Variants in WWC1 observed in about 807,000 individuals in gnomAD.
The protein encoded by WWC1 is WW and C2 domain containing 1.
WWC1 carries 55 observed loss-of-function variants against 138.4 expected under a neutral mutation model. The observed-to-expected ratio is 0.40, with a 90% CI of 0.32 to 0.50. The LOEUF (loss-of-function observed/expected upper bound fraction) is 0.50. WWC1 is among the 20% of genes least tolerant of loss of function. The probability of loss-of-function intolerance (pLI) is 0.72; values close to 1 mark genes in which losing one functional copy is unlikely to be tolerated. For synonymous variants in WWC1, 524 were observed against 564.9 expected (o/e 0.93, Z 1.03); for missense variants, 1,226 against 1,420.4 (o/e 0.86, Z 2.20).
At chr5:168,334,129 A>G (rs1291370286) in intron 1 of WWC1, among the ~76,000 whole-genome samples, 1 of 146,628 alleles carries the variant, frequency 6.8e-6, no homozygotes, top group African/African-American at 2.5e-5. Flanking sequence ...GAGGCTGAGG[A>G]GGGAGGACCA....
chr5:168,339,963 C>T (rs1173942872), intron 1 of WWC1, among the ~76,000 whole-genome samples: 4 of 129,200 alleles, frequency 3.1e-5, no homozygotes, highest in African/African-American at 1.1e-4. Context: ...CTCCCTCTCT[C>T]TCTCTGTCTC....
At chr5:168,411,067 A>G (rs1269224204) in intron 8 of WWC1, among the ~76,000 whole-genome samples, 1 of 151,650 alleles carries the variant, frequency 6.6e-6, no homozygotes. Context: ...CTGGGACTAC[A>G]GGCACCCGTC....
At chr5:168,318,878 T>C (rs922125301) in intron 1 of WWC1, among the ~76,000 whole-genome samples, 2 of 152,226 alleles carry the variant, frequency 1.3e-5, no homozygotes, top group African/African-American at 4.8e-5. Context: ...GCTATTTTAC[T>C]TAGCATAATG....
At chr5:168,338,431 G>A (rs997368892) in intron 1 of WWC1, among the ~76,000 whole-genome samples, 2 of 149,652 alleles carry the variant, frequency 1.3e-5, no homozygotes, top group Non-Finnish European at 3.0e-5. Context: ...TTTGGGGGGG[G>A]ATTGAGTCTC....
rs531850717 is a variant in WWC1, at chr5:168,408,793, C to G, written c.867+140C>G. The stretch of plus-strand genomic sequence containing the variant: ...CAGGGCTGGCTGCTGCCTCAGCCCT[C>G]TGGAGCTCTGTTCTCTTACAGACCT... On this transcript the variant is annotated intron_variant, in intron 7 of 22. Transcript: ENST00000265293. The G allele has an allele frequency of 6.9e-6, 8 of 1,166,788 alleles. No individual in the cohort carries two copies. In the Admixed American group the frequency reaches 1.4e-4, roughly 20 times the overall value. 72.3% of individuals were successfully genotyped at this position (1,166,788 alleles called of 1,614,324 possible). A position where few individuals can be genotyped will look rare whatever the true frequency, so the allele number is the denominator to read the frequency against.
At chr5:168,381,836 T>C (rs926245739) in intron 2 of WWC1, among the ~76,000 whole-genome samples, 2 of 148,076 alleles carry the variant, frequency 1.4e-5, no homozygotes, top group Admixed American at 6.7e-5. Context: ...GCACTGACTT[T>C]TAAAAAGAAA....
chr5:168,325,401 G>A (rs914764920), intron 1 of WWC1, among the ~76,000 whole-genome samples: 3 of 152,166 alleles, frequency 2.0e-5, no homozygotes, highest in Non-Finnish European at 2.9e-5. Flanking sequence ...GGGTGTCCTA[G>A]GACACAGGAG....
rs374092809 is a variant in WWC1, at chr5:168,292,235, C to G, written c.83C>G (p.Thr28Arg). Residue 28 changes from threonine (T) to arginine (R), a missense_variant, in exon 1 of 23, where the codon ACG (threonine) becomes AGG (arginine). Physicochemically the swap from Thr to Arg is moderately conservative, Grantham distance 71. Coordinates refer to ENST00000265293, the MANE Select transcript of WWC1 (RefSeq NM_015238.3). The surrounding 1 kb of genome is among the most constrained non-coding windows in gnomAD (Gnocchi z 4.4). ...GGCAAGGTCTACTACATAGACCACA[C>G]GAACCGCACCACCAGCTGGATCGAC... ...FDGKVYYIDH[T>R]NRTTSWIDPR... The G allele has an allele frequency of 1.3e-6, 2 of 1,594,826 alleles. No homozygotes were observed. Among genetic ancestry groups the G allele is most frequent in the East Asian group, 2.3e-5 (1 of 43,886 alleles).
intron 1 of WWC1, among the ~76,000 whole-genome samples, chr5:168,336,571 CAAAAAA>C (rs57339649): frequency 1.7e-5 from 1 of 58,020 alleles, no homozygotes; most frequent in Non-Finnish European, 3.7e-5. Flanking sequence ...GACTCTGTCT[CAAAAAA>C]AAAAAAAAAA....
At chr5:168,324,547 A>AAC (rs1772379693) in intron 1 of WWC1, among the ~76,000 whole-genome samples, 1 of 152,204 alleles carries the variant, frequency 6.6e-6, no homozygotes, top group African/African-American at 2.4e-5. Flanking sequence ...AAATTTCTTC[A>AAC]TTTCTTTAAA....
chr5:168,354,615 T>A (rs2152793234), intron 1 of WWC1, among the ~76,000 whole-genome samples: 1 of 152,342 alleles, frequency 6.6e-6, no homozygotes, highest in South Asian at 2.1e-4. Context: ...TTTGAATGTT[T>A]GTCATGGACC....
chr5:168,462,819 A>G (rs1391549996), intron 20 of WWC1, among the ~76,000 whole-genome samples: 1 of 152,192 alleles, frequency 6.6e-6, no homozygotes, highest in Non-Finnish European at 1.5e-5. Flanking sequence ...TGTTGTCTCT[A>G]CCGCAGCCTG....
intron 5 of WWC1, among the ~76,000 whole-genome samples, chr5:168,403,586 T>C (rs2152834921): frequency 6.6e-6 from 1 of 152,142 alleles, no homozygotes; most frequent in South Asian, 2.1e-4. Flanking sequence ...TTGGAGGAGA[T>C]TGCAAAGAAA....
At chr5:168,420,818 G>T (rs368488394) in intron 9 of WWC1, among the ~76,000 whole-genome samples, 1 of 152,006 alleles carries the variant, frequency 6.6e-6, no homozygotes, top group Admixed American at 6.6e-5. Flanking sequence ...CCACCATCTC[G>T]GTTACACCTC....
At chr5:168,372,515 T>G (rs1353527038) in intron 2 of WWC1, among the ~76,000 whole-genome samples, 1 of 152,216 alleles carries the variant, frequency 6.6e-6, no homozygotes, top group African/African-American at 2.4e-5. Context: ...AGCCTCTGTT[T>G]ACTGAGCACA....
At chr5:168,434,562 A>G (rs962076567) in intron 15 of WWC1, among the ~76,000 whole-genome samples, 2 of 152,186 alleles carry the variant, frequency 1.3e-5, no homozygotes, top group African/African-American at 2.4e-5. Context: ...AAGGCCCAGA[A>G]AGGCTAAGTA....
chr5:168,442,381 T>G (rs1198398603), intron 16 of WWC1, among the ~76,000 whole-genome samples: 1 of 146,944 alleles, frequency 6.8e-6, no homozygotes, highest in Non-Finnish European at 1.5e-5. Context: ...GGCAGGAGGA[T>G]CTCTTGAGGC....
chr5:168,464,915 C>A lies in WWC1; in HGVS notation c.3103C>A (p.Arg1035Ser). Residue 1035 changes from arginine (R) to serine (S), a missense_variant, in exon 21 of 23, where the codon CGT becomes AGT. Around this residue, in one of 3 missense-constraint regions of WWC1, gnomAD observed 206 missense variants for 247.4 expected, o/e 0.83. Transcript: ENST00000265293. ...HGEKELPQWL[R>S]EDERFRLLLR... The stretch of plus-strand genomic sequence containing the variant: ...GGAGAAGGAGCTGCCACAGTGGTTG[C>A]GTGAGGACGAGCGTTTCCGCCTGCT... 1 of 1,614,174 alleles carries A rather than the reference C, an allele frequency of 6.2e-7. No individual in the cohort carries two copies. Among genetic ancestry groups the A allele is most frequent in the Non-Finnish European group, 8.5e-7 (1 of 1,180,022 alleles).
At chr5:168,435,291 C>T (rs1559095) in intron 15 of WWC1, among the ~76,000 whole-genome samples, 79,517 of 152,022 alleles carry the variant, frequency 0.52, 21,892 homozygotes, top group East Asian at 0.84. Context: ...CCCATTTTCT[C>T]GCAAGGACAT....
Sources: gnomAD v4.1 joint callset for allele counts (sites outside exome capture counted in the v4.1 genomes callset) on GRCh38, gnomAD v4.1.1 for gene constraint, gnomAD v4.1.1 regional missense constraint, Gnocchi (gnomAD v3.1) non-coding constraint, MANE v1.5 for transcripts, NCBI Gene and HGNC (gene_info 2026-07-23, HGNC 2026-07-21) for gene names.